CIC: variants seen among roughly 807,000 people sequenced by gnomAD.
CIC encodes protein capicua homolog.
Under a neutral mutation model 115.7 loss-of-function variants are expected in CIC, and 18 were observed. The ratio of observed to expected loss-of-function variants is 0.16; its 90% CI spans 0.11 to 0.23. The LOEUF (loss-of-function observed/expected upper bound fraction) is 0.23, where lower values mean the gene tolerates loss of function less well. Ranked by LOEUF, CIC falls within the 10% of genes least tolerant of loss-of-function variation. The probability of loss-of-function intolerance (pLI) is 1.00; values close to 1 mark genes in which losing one functional copy is unlikely to be tolerated. For missense variants in CIC, 2,000 were observed against 2,159.3 expected, an observed-to-expected ratio of 0.93 and a Z score of 1.46; for synonymous variants, 1,076 against 923.0, an observed-to-expected ratio of 1.17 and a Z score of -3.01.
At chr19:42,288,098 A>T (rs1405247213) in intron 7 of CIC, 123 bp downstream of exon 7, 9 of 1,157,574 alleles carry the variant, frequency 7.8e-6, no homozygotes, top group African/African-American at 1.5e-5. Flanking sequence ...TAATTTGGCG[A>T]CCCTTATCCG....
Position 42,291,615 on chromosome 19 carries a change from C to T in CIC, c.5483C>T (p.Pro1828Leu), listed in dbSNP as rs2147279329. The stretch of plus-strand genomic sequence containing the variant: ...CCGGGTGGCTCAGCCCAGCTGCTGC[C>T]TGGGAAGGTCCTAGTGCCTCTGGCC... ...PPPGGSAQLL[P>L]GKVLVPLAAP... The change falls in exon 12 of 21, where the codon CCT (proline) becomes CTT (leucine). Residue 1828 changes from proline to leucine, a missense_variant. By Grantham distance (98) the Pro-to-Leu change is moderately conservative. Coordinates refer to ENST00000681038, the MANE Select transcript of CIC (RefSeq NM_001386298.1). 6.2e-7 allele frequency: 1 copy of T among 1,612,988 alleles called. No homozygotes were observed. Among genetic ancestry groups the T allele is most frequent in the Non-Finnish European group, 8.5e-7 (1 of 1,179,996 alleles).
chr19:42,291,077 A>G lies in CIC; in HGVS notation c.5036A>G (p.Tyr1679Cys), dbSNP rs1433852781. 6.2e-7 allele frequency: 1 copy of G among 1,613,758 alleles called. No homozygotes were observed. The change falls in exon 11 of 21, where the codon TAT becomes TGT. Residue 1679 changes from tyrosine to cysteine, a missense_variant. Physicochemically the swap from Tyr to Cys is radical, Grantham distance 194 (BLOSUM62 -2). This residue lies in a region of CIC where 1,466 missense variants were observed against 1,390.4 expected (regional missense o/e 1.05). Coordinates refer to ENST00000681038, the MANE Select transcript of CIC (RefSeq NM_001386298.1). ...AACCTACTGGTGGGCACCCCGGGGT[A>G]TGGGGCCCCTGCGCCCCCTGCTGTC... ...VTNLLVGTPG[Y>C]GAPAPPAVQF... is the part of the protein sequence containing the mutation.
chr19:42,293,233 GC>G lies in CIC; in HGVS notation c.6479del (p.Pro2160HisfsTer51). 6.3e-7 allele frequency: 1 copy of G among 1,594,806 alleles called. No individual in the cohort carries two copies. Among genetic ancestry groups the G allele is most frequent in the Admixed American group, 1.7e-5 (1 of 57,820 alleles). On this transcript the variant is annotated frameshift_variant, in exon 16 of 21. Transcript: ENST00000681038. LOFTEE classifies it high-confidence loss of function. ...CCACGGCCCGGAGCAGCCCCCCACT[GC>G]CCCCACCTGCTGAGGAGCGGACCAG... ...TPTARSSPPL[P>X]PPAEERTSAK...
At chr19:42,293,370 C>T in intron 16 of CIC, 89 bp downstream of exon 16, 1 of 1,417,120 alleles carries the variant, frequency 7.1e-7, no homozygotes, top group Non-Finnish European at 9.6e-7. Context: ...CTCTTCTTTC[C>T]ATGCCTGTGT....
intron 2 of CIC, among the ~76,000 whole-genome samples, chr19:42,285,277 C>T (rs1292121925): frequency 1.3e-5 from 2 of 152,130 alleles, no homozygotes; most frequent in African/African-American, 4.8e-5. Context: ...GACCAAAGGA[C>T]TGCCCTCCAT....
At chr19:42,292,279 C>G in intron 13 of CIC, 21 bp from the exon 14 acceptor site, 1 of 1,613,544 alleles carries the variant, frequency 6.2e-7, no homozygotes, top group Non-Finnish European at 8.5e-7. Flanking sequence ...TCACTCCTCC[C>G]CATTTCCTCT....
At chr19:42,269,535 T>G (rs115676832) in intron 1 of CIC, among the ~76,000 whole-genome samples, 154 bp downstream of exon 1, 1,055 of 84,840 alleles carry the variant, frequency 0.012, 20 homozygotes, top group African/African-American at 0.043. Flanking sequence ...GTGGTGGGGG[T>G]TTGACAGAAA....
intron 16 of CIC, 130 bp from the exon 17 acceptor site, chr19:42,293,462 C>A: frequency 2.0e-6 from 3 of 1,507,376 alleles, no homozygotes; most frequent in Non-Finnish European, 2.7e-6. Context: ...CTGTCTTGGC[C>A]TTCCTGAGGC....
chr19:42,291,706 C>G lies in CIC; in HGVS notation c.5574C>G (p.Phe1858Leu), dbSNP rs746318238. Residue 1858 changes from phenylalanine to leucine, a missense_variant, in exon 12 of 21, where the codon TTC becomes TTG. Around this residue, in one of 8 missense-constraint regions of CIC, gnomAD observed 1,466 missense variants for 1,390.4 expected, o/e 1.05. Transcript: ENST00000681038. ...GQPLPLVSPP[F>L]SVPVQNGAQP... ...CACTGCCACTGGTGAGCCCGCCCTTCTCAGTACCTGTGCAGAATGGTGCCC... is the reference window on the plus strand; with the variant it reads ...CACTGCCACTGGTGAGCCCGCCCTTGTCAGTACCTGTGCAGAATGGTGCCC... 1 of 1,613,032 alleles carries G rather than the reference C, an allele frequency of 6.2e-7. No individual in the cohort carries two copies. Among genetic ancestry groups the G allele is most frequent in the South Asian group, 1.1e-5 (1 of 91,086 alleles).
intron 9 of CIC, 144 bp from the exon 10 acceptor site, chr19:42,289,704 G>A: frequency 2.5e-6 from 2 of 788,976 alleles, no homozygotes; most frequent in Non-Finnish European, 4.3e-6. Context: ...GGGCATGTGG[G>A]CACAGCCCTG....
chr19:42,282,086 T>C (rs2037283530), intron 2 of CIC, among the ~76,000 whole-genome samples: 2 of 152,270 alleles, frequency 1.3e-5, no homozygotes, highest in South Asian at 4.1e-4. Flanking sequence ...GTGCCTCACA[T>C]TGCAGTCCCT....
chr19:42,287,758 C>G lies in CIC; in HGVS notation c.3492+31C>G, dbSNP rs768135574. On this transcript the variant is annotated intron_variant, in intron 6 of 20. Transcript: ENST00000681038. The surrounding 1 kb of genome is among the most constrained non-coding windows in gnomAD (Gnocchi z 8.7). ...GCTGTTGCCTCTTGGCTCCTCCCAG[C>G]TTCTTCTGGTGGGGTGGGTGAGTGA... 5 of 1,614,042 alleles carry G rather than the reference C, an allele frequency of 3.1e-6. No homozygotes were observed. In the Admixed American group the frequency reaches 5.0e-5, roughly 16 times the overall value.
Position 42,291,127 on chromosome 19 carries a change from G to A in CIC, c.5086G>A (p.Gly1696Ser). The A allele has an allele frequency of 6.2e-7, 1 of 1,609,202 alleles. No homozygotes were observed. The highest frequency in any genetic ancestry group is 8.5e-7 in the Non-Finnish European group (1 of 1,176,680). Reference protein sequence around the residue: ...AVQFIAQGAPGGGTTAGSGAG... With the variant: ...AVQFIAQGAPSGGTTAGSGAG... ...CCAGTTCATTGCCCAGGGGGCCCCT[G>A]GTGGTGGGACCACTGCGGGCTCAGG... The change falls in exon 11 of 21, where the codon GGT becomes AGT. Residue 1696 changes from glycine (G) to serine (S), a missense_variant. Gly to Ser is a moderately conservative substitution (Grantham distance 56, BLOSUM62 0). This residue lies in a region of CIC where 1,466 missense variants were observed against 1,390.4 expected (regional missense o/e 1.05). Transcript: ENST00000681038.
intron 2 of CIC, among the ~76,000 whole-genome samples, chr19:42,277,867 A>G (rs955250885): frequency 6.6e-6 from 1 of 152,338 alleles, no homozygotes; most frequent in Admixed American, 6.5e-5. Context: ...AGGTTCCTGA[A>G]CAGCCTGCCC....
chr19:42,295,143 G>GGGGGCCCC lies in CIC; in HGVS notation c.7506_7507insGGGGCCCC (p.Pro2503GlyfsTer29). On this transcript the variant is annotated frameshift_variant, in exon 21 of 21. Coordinates refer to ENST00000681038, the MANE Select transcript of CIC (RefSeq NM_001386298.1). LOFTEE classifies it high-confidence loss of function. The stretch of plus-strand genomic sequence containing the variant: ...AGCCTGGCTGGGAGGGGGCTCCCCA[G>GGGGGCCCC]CCCTCCCCCCCACCCCCAGGTCCCT... 1.6e-5 allele frequency: 22 copies of GGGGGCCCC among 1,382,654 alleles called. No homozygotes were observed. Among genetic ancestry groups the GGGGGCCCC allele is most frequent in the East Asian group, 2.5e-5 (1 of 39,692 alleles). 85.6% of individuals were successfully genotyped at this position (1,382,654 alleles called of 1,614,324 possible). A position where few individuals can be genotyped will look rare whatever the true frequency, so the allele number is the denominator to read the frequency against.
chr19:42,295,226 C>T lies in CIC; in HGVS notation c.*35C>T, dbSNP rs186310599. On this transcript the variant is annotated 3_prime_UTR_variant, in exon 21 of 21. Transcript: ENST00000681038. ...GAGAAGATGCCAGGACTTATAGTAC[C>T]CCCTCAGGACATGGACAGTATGTGG... is the stretch of plus-strand genomic sequence containing the variant. The T allele has an allele frequency of 2.4e-5, 37 of 1,518,874 alleles. No individual in the cohort carries two copies. In the African/African-American group the frequency reaches 2.8e-4, roughly 11 times the overall value. 94.1% of individuals were successfully genotyped at this position (1,518,874 alleles called of 1,614,324 possible).
intron 2 of CIC, among the ~76,000 whole-genome samples, chr19:42,281,700 G>A (rs1247140961): frequency 6.6e-6 from 1 of 152,210 alleles, no homozygotes; most frequent in African/African-American, 2.4e-5. Context: ...CCAGCGCCCA[G>A]GGCAGGGGGG....
rs1440615972 is a variant in CIC, at chr19:42,274,119, C to G, written c.2336C>G (p.Pro779Arg). The G allele has an allele frequency of 2.5e-6, 1 of 400,492 alleles. No homozygotes were observed. The highest frequency in any genetic ancestry group is 4.4e-6 in the Non-Finnish European group (1 of 227,344). The allele number at this position is 400,492 out of a possible 1,614,324, so 24.8% of individuals were successfully genotyped here. A position where few individuals can be genotyped will look rare whatever the true frequency, so the allele number is the denominator to read the frequency against. Residue 779 changes from proline (P) to arginine (R), a missense_variant, in exon 2 of 21, where the codon CCC (proline) becomes CGC (arginine). By Grantham distance (103) the Pro-to-Arg change is moderately radical. This residue lies in a region of CIC where 222 missense variants were observed against 247.7 expected (regional missense o/e 0.90). Coordinates refer to ENST00000681038, the MANE Select transcript of CIC (RefSeq NM_001386298.1). ...PAVPFSRSRQ[P>R]SPLLLLPPPA... ...GTGCCCTTCTCTCGCTCCCGCCAGC[C>G]CTCACCATTGCTGCTGTTGCCACCC...
rs764783879 is a variant in CIC at position 42,291,672 on chromosome 19, C to G, written c.5540C>G (p.Ala1847Gly). 4 of 1,613,024 alleles carry G rather than the reference C, an allele frequency of 2.5e-6. No individual in the cohort carries two copies. Among genetic ancestry groups the G allele is most frequent in the Non-Finnish European group, 2.5e-6 (3 of 1,180,000 alleles). The change falls in exon 12 of 21, where the codon GCC becomes GGC. Residue 1847 changes from alanine (A) to glycine (G), a missense_variant. By Grantham distance (60) the Ala-to-Gly change is moderately conservative (BLOSUM62 0). Around this residue, in one of 8 missense-constraint regions of CIC, gnomAD observed 1,466 missense variants for 1,390.4 expected, o/e 1.05. Coordinates refer to ENST00000681038, the MANE Select transcript of CIC (RefSeq NM_001386298.1). ...APSMSVRGGG[A>G]GQPLPLVSPP... The stretch of plus-strand genomic sequence containing the variant: ...AGCATGTCAGTGCGGGGTGGAGGGG[C>G]CGGCCAGCCACTGCCACTGGTGAGC...
Sources: gnomAD v4.1 joint callset for allele counts (sites outside exome capture counted in the v4.1 genomes callset) on GRCh38, gnomAD v4.1.1 for gene constraint, gnomAD v4.1.1 regional missense constraint, Gnocchi (gnomAD v3.1) non-coding constraint, MANE v1.5 for transcripts, NCBI Gene and HGNC (gene_info 2026-07-23, HGNC 2026-07-21) for gene names.